MR1: variants seen among roughly 807,000 people sequenced by gnomAD.
MR1 encodes major histocompatibility complex, class I-related.
A neutral mutation model predicts 37.8 loss-of-function variants in MR1; 44 were observed. The observed-to-expected ratio is 1.16, with a 90% CI of 0.91 to 1.50. The LOEUF (loss-of-function observed/expected upper bound fraction) is 1.50, where lower values mean the gene tolerates loss of function less well. Among genes scored for constraint, MR1 ranks in the 40% most tolerant of loss-of-function variants. The pLI is 0.00. For synonymous variants in MR1, 153 were observed against 155.8 expected (o/e 0.98, Z 0.13); for missense variants, 386 against 419.1 (o/e 0.92, Z 0.69).
chr1:181,048,206 G>A (rs879358711), intron 1 of MR1, among the ~76,000 whole-genome samples: 9 of 145,804 alleles, frequency 6.2e-5, no homozygotes, highest in Non-Finnish European at 1.3e-4. Flanking sequence ...AACAGAGCAA[G>A]ACTCCATCTC....
intron 3 of MR1, 108 bp downstream of exon 3, chr1:181,050,394 A>G: frequency 6.9e-7 from 1 of 1,439,916 alleles, no homozygotes; most frequent in Non-Finnish European, 9.6e-7. Context: ...CCATCTCTTT[A>G]GTTGGCCTAT....
At chr1:181,052,156 GAA>G in intron 3 of MR1, 77 bp from the exon 4 acceptor site, 1 of 1,495,662 alleles carries the variant, frequency 6.7e-7, no homozygotes, top group Non-Finnish European at 9.0e-7. Context: ...GAAAAATTAG[GAA>G]AGCCAGTTGC....
chr1:181,047,167 G>C (rs1480332716), intron 1 of MR1, among the ~76,000 whole-genome samples: 4 of 152,128 alleles, frequency 2.6e-5, no homozygotes, highest in Non-Finnish European at 5.9e-5. Context: ...GAACAGCAGG[G>C]AGGGCCAAAC....
In MR1 at chr1:181,049,183, C is replaced by T. The variant is rs1248976172; in HGVS notation, c.199C>T (p.Pro67Ser). ...TYDSVTRQKE[P>S]RAPWMAENLA... ...TGACAGTGTCACTCGGCAGAAGGAG[C>T]CACGGGCCCCATGGATGGCAGAGAA... The change falls in exon 2 of 6, where the codon CCA becomes TCA. Residue 67 changes from proline (P) to serine (S), a missense_variant. Coordinates refer to ENST00000367580, the MANE Select transcript of MR1 (RefSeq NM_001385161.1). 6.2e-7 allele frequency: 1 copy of T among 1,614,096 alleles called. No homozygotes were observed. The highest frequency in any genetic ancestry group is 1.3e-5 in the African/African-American group (1 of 74,936).
At chr1:181,036,352 G>T (rs903342400) in intron 1 of MR1, among the ~76,000 whole-genome samples, 1 of 152,172 alleles carries the variant, frequency 6.6e-6, no homozygotes, top group East Asian at 1.9e-4. Context: ...CTTCATTAAG[G>T]TCTCCTCACA....
At chr1:181,054,617 C>T (rs1437297907) in intron 5 of MR1, among the ~76,000 whole-genome samples, 2 of 151,574 alleles carry the variant, frequency 1.3e-5, no homozygotes, top group Non-Finnish European at 2.9e-5. Context: ...TTTGAGAGGC[C>T]GAGGCAGGCG....
intron 3 of MR1, among the ~76,000 whole-genome samples, chr1:181,051,523 C>T (rs561816561): frequency 1.3e-5 from 2 of 151,964 alleles, no homozygotes; most frequent in East Asian, 3.9e-4. Flanking sequence ...AGGAAGCAGT[C>T]CCCCCCAGAT....
intron 1 of MR1, among the ~76,000 whole-genome samples, chr1:181,046,646 A>T (rs991191319): frequency 6.6e-6 from 1 of 152,066 alleles, no homozygotes; most frequent in Non-Finnish European, 1.5e-5. Flanking sequence ...AGGCTGCCCG[A>T]GCCAGCAGTG....
intron 1 of MR1, among the ~76,000 whole-genome samples, chr1:181,042,833 A>G (rs1363102236): frequency 1.3e-5 from 2 of 152,082 alleles, no homozygotes; most frequent in Admixed American, 1.3e-4. Context: ...AAATAGATTC[A>G]TATTCATTTC....
In MR1 at chr1:181,037,775, G is replaced by A. The variant is rs184143854; in HGVS notation, c.67+3701G>A. On this transcript the variant is annotated intron_variant, in intron 1 of 5. Coordinates refer to ENST00000367580, the MANE Select transcript of MR1 (RefSeq NM_001385161.1). The stretch of plus-strand genomic sequence containing the variant: ...TTAGAAAAATAAAATTTATAAAATC[G>A]GGATTTTCTGGGAAACATAAGACAT... 5.3e-4 allele frequency among the ~76,000 whole-genome samples: 81 copies of A among 152,174 alleles called. No homozygotes were observed. In the Middle Eastern group the frequency reaches 0.024, roughly 45 times the overall value.
intron 4 of MR1, 105 bp from the exon 5 acceptor site, chr1:181,053,467 GA>G: frequency 2.6e-6 from 2 of 759,956 alleles, no homozygotes; most frequent in Non-Finnish European, 2.3e-6. Flanking sequence ...CAACAGTAAG[GA>G]AAATGGTGTT....
At chr1:181,040,605 G>A (rs1163705416) in intron 1 of MR1, among the ~76,000 whole-genome samples, 1 of 152,128 alleles carries the variant, frequency 6.6e-6, no homozygotes, top group South Asian at 2.1e-4. Context: ...GAAGAGGAAG[G>A]GACTGTGATG....
At chr1:181,049,804 T>A in intron 2 of MR1, 1 of 593,806 alleles carries the variant, frequency 1.7e-6, no homozygotes, top group East Asian at 2.8e-5. Flanking sequence ...CACACTCCTT[T>A]GACAGGCAGT....
chr1:181,047,256 G>T (rs993679773), intron 1 of MR1, among the ~76,000 whole-genome samples: 1 of 151,846 alleles, frequency 6.6e-6, no homozygotes, highest in Non-Finnish European at 1.5e-5. Flanking sequence ...ATAAGAAAAT[G>T]GTTAACAGCA....
intron 1 of MR1, among the ~76,000 whole-genome samples, chr1:181,040,783 C>CAGAA (rs1026807695): frequency 4.0e-5 from 6 of 151,312 alleles, no homozygotes; most frequent in African/African-American, 1.5e-4. Context: ...AAAAAAAACC[C>CAGAA]AGAAAGAAAG....
Position 181,050,184 on chromosome 1 carries a change from A to T in MR1, c.502A>T (p.Asn168Tyr). ...AHTIKQAWEA[N>Y]QHELLYQKNW... ...CACCATCAAGCAGGCATGGGAGGCC[A>T]ATCAGCATGAGTTGCTGTATCAAAA... Residue 168 changes from asparagine (N) to tyrosine (Y), a missense_variant, in exon 3 of 6, where the codon AAT becomes TAT. Asn to Tyr is a moderately radical substitution (Grantham distance 143, BLOSUM62 -2). Coordinates refer to ENST00000367580, the MANE Select transcript of MR1 (RefSeq NM_001385161.1). 6.2e-7 allele frequency: 1 copy of T among 1,614,226 alleles called. No homozygotes were observed. The highest frequency in any genetic ancestry group is 8.5e-7 in the Non-Finnish European group (1 of 1,180,042).
At chr1:181,052,566 G>A (rs944036419) in intron 4 of MR1, 56 bp downstream of exon 4, 45 of 1,561,498 alleles carry the variant, frequency 2.9e-5, no homozygotes, top group Non-Finnish European at 3.9e-5. Flanking sequence ...GGGGTGAGCA[G>A]GAAACCATGC....
At chr1:181,046,704 G>A (rs971389458) in intron 1 of MR1, among the ~76,000 whole-genome samples, 3 of 152,188 alleles carry the variant, frequency 2.0e-5, no homozygotes, top group South Asian at 2.1e-4. Context: ...TTGTTGTTTC[G>A]CTCTTTGCAA....
At chr1:181,055,123 T>C in intron 5 of MR1, 102 bp from the exon 6 acceptor site, 1 of 1,029,054 alleles carries the variant, frequency 9.7e-7, no homozygotes, top group Non-Finnish European at 1.5e-6. Flanking sequence ...AAGCTAAAAC[T>C]GTCGATGCCT....
Sources: gnomAD v4.1 joint callset for allele counts (sites outside exome capture counted in the v4.1 genomes callset) on GRCh38, gnomAD v4.1.1 for gene constraint, MANE v1.5 for transcripts, NCBI Gene and HGNC (gene_info 2026-07-23, HGNC 2026-07-21) for gene names.